Variants in RNF146 observed in about 807,000 individuals in gnomAD.
RNF146 encodes the protein ring finger protein 146.
A neutral mutation model predicts 29.7 loss-of-function variants in RNF146; 11 were observed. The ratio of observed to expected loss-of-function variants is 0.37; its 90% CI spans 0.23 to 0.61. RNF146 has a LOEUF of 0.61. Among genes scored for constraint, RNF146 ranks in the 20% least tolerant of loss-of-function variants. The probability of loss-of-function intolerance (pLI) is 0.66; values close to 1 mark genes in which losing one functional copy is unlikely to be tolerated. For missense variants in RNF146, 342 were observed against 438.9 expected (o/e 0.78, Z 1.97); for synonymous variants, 150 against 159.7 (o/e 0.94, Z 0.46).
intron 1 of RNF146, among the ~76,000 whole-genome samples, chr6:127,277,591 T>C (rs1413054451): frequency 6.6e-6 from 1 of 151,966 alleles, no homozygotes; most frequent in African/African-American, 2.4e-5. Context: ...GTCCCAAAAC[T>C]GAAGAACTTG....
chr6:127,274,822 A>C (rs1777975681), intron 1 of RNF146, among the ~76,000 whole-genome samples: 2 of 152,154 alleles, frequency 1.3e-5, no homozygotes, highest in Admixed American at 6.5e-5. Context: ...CTGTAATCCC[A>C]ACACTTTGGG....
At chr6:127,270,651 C>T (rs1777339560) in intron 1 of RNF146, among the ~76,000 whole-genome samples, 1 of 152,046 alleles carries the variant, frequency 6.6e-6, no homozygotes, top group Non-Finnish European at 1.5e-5. Context: ...GACCATTGAA[C>T]AAAGGTTTGA....
intron 1 of RNF146, among the ~76,000 whole-genome samples, chr6:127,276,397 G>A (rs1458217891): frequency 6.6e-6 from 1 of 151,942 alleles, no homozygotes; most frequent in African/African-American, 2.4e-5. Context: ...GGGCTGTGTG[G>A]TGAGAGAAAG....
chr6:127,286,687 G>C lies in RNF146; in HGVS notation c.74G>C (p.Cys25Ser), dbSNP rs756355141. Residue 25 changes from cysteine to serine, a missense_variant, in exon 3 of 3, where the codon TGT becomes TCT. Coordinates refer to ENST00000368314, the MANE Select transcript of RNF146 (RefSeq NM_001242850.2). This position sits in a 1 kb window ranked among gnomAD's most constrained non-coding sequence, Gnocchi z 4.6. Reference protein sequence around the residue: ...LPTNRKANESCSNTAPSLTVP... With the variant: ...LPTNRKANESSSNTAPSLTVP... The stretch of plus-strand genomic sequence containing the variant: ...ACAAACAGGAAAGCGAACGAGTCCT[G>C]TTCTAATACTGCACCTTCTTTAACC... 1.2e-6 allele frequency: 2 copies of C among 1,613,336 alleles called. No individual in the cohort carries two copies. The highest frequency in any genetic ancestry group is 2.2e-5 in the South Asian group (2 of 91,064).
Position 127,287,146 on chromosome 6 carries a change from T to C in RNF146, c.533T>C (p.Val178Ala). 1 of 1,612,548 alleles carries C rather than the reference T, an allele frequency of 6.2e-7. No homozygotes were observed. The highest frequency in any genetic ancestry group is 2.2e-5 in the East Asian group (1 of 44,772). Residue 178 changes from valine (V) to alanine (A), a missense_variant, in exon 3 of 3, where the codon GTA becomes GCA. Physicochemically the swap from Val to Ala is moderately conservative, Grantham distance 64. This residue lies in a region of RNF146 where 28 missense variants were observed against 40.7 expected (regional missense o/e 0.69). Transcript: ENST00000368314. ...ATAATAGATATACCAAAGAAGGGAG[T>C]AGCTGGACTTAGGCTAGACTGTGAT... ...RDIIDIPKKG[V>A]AGLRLDCDAN...
At chr6:127,285,177 T>A (rs1463514183) in intron 2 of RNF146, 1 of 984,566 alleles carries the variant, frequency 1.0e-6, no homozygotes, top group East Asian at 1.1e-4. Flanking sequence ...GCCATCTTTT[T>A]AAAAACTTAC....
At chr6:127,274,238 T>C (rs1321810113) in intron 1 of RNF146, among the ~76,000 whole-genome samples, 2 of 152,190 alleles carry the variant, frequency 1.3e-5, no homozygotes, top group East Asian at 3.9e-4. Context: ...TTTGTGGCTA[T>C]AGCTTTATTT....
At chr6:127,285,198 C>T in intron 2 of RNF146, 1 of 984,930 alleles carries the variant, frequency 1.0e-6, no homozygotes, top group Non-Finnish European at 1.2e-6. Context: ...TGTGTTGCTT[C>T]CTTTACTAGA....
intron 2 of RNF146, among the ~76,000 whole-genome samples, chr6:127,281,109 C>T (rs2114486938): frequency 6.6e-6 from 1 of 151,548 alleles, no homozygotes; most frequent in East Asian, 1.9e-4. Flanking sequence ...ACATAAAACT[C>T]TTGCTTTCTA....
intron 2 of RNF146, among the ~76,000 whole-genome samples, chr6:127,281,616 T>G (rs1778921420): frequency 6.6e-6 from 1 of 151,554 alleles, no homozygotes; most frequent in African/African-American, 2.4e-5. Flanking sequence ...ATCAACACAT[T>G]TTAGAGGAGT....
rs777877427 is a variant in RNF146 at position 127,286,971 on chromosome 6, C to T, written c.358C>T (p.Arg120Cys). 1.2e-5 allele frequency: 20 copies of T among 1,613,154 alleles called. No homozygotes were observed. Among genetic ancestry groups the T allele is most frequent in the South Asian group, 3.3e-5 (3 of 91,072 alleles). ...AAATGGGTGGTGGCAGTACGATGAG[C>T]GCACTAGTAGAGAGCTGGAAGATGC... is the stretch of plus-strand genomic sequence containing the variant. ...GRNGWWQYDE[R>C]TSRELEDAFS... The change falls in exon 3 of 3, where the codon CGC becomes TGC. Residue 120 changes from arginine (R) to cysteine (C), a missense_variant. Physicochemically the swap from Arg to Cys is radical, Grantham distance 180. Around this residue, in one of 6 missense-constraint regions of RNF146, gnomAD observed 50 missense variants for 54.9 expected, o/e 0.91. Transcript: ENST00000368314. This position sits in a 1 kb window ranked among gnomAD's most constrained non-coding sequence, Gnocchi z 4.6.
intron 1 of RNF146, among the ~76,000 whole-genome samples, chr6:127,279,870 CT>C (rs1562285480): frequency 6.6e-6 from 1 of 151,764 alleles, no homozygotes; most frequent in South Asian, 2.1e-4. Context: ...TTCTTGATTT[CT>C]TTTTTGGATT....
chr6:127,267,918 G>A (rs761937316), intron 1 of RNF146, among the ~76,000 whole-genome samples: 1 of 152,136 alleles, frequency 6.6e-6, no homozygotes, highest in Non-Finnish European at 1.5e-5. Context: ...ATTGTTTTAA[G>A]AGTGGAGACG....
At chr6:127,280,631 CATA>C in intron 2 of RNF146, 5 of 980,764 alleles carry the variant, frequency 5.1e-6, no homozygotes, top group Non-Finnish European at 6.2e-6. Flanking sequence ...CTTCTTTTTA[CATA>C]ATAATTTTCT....
chr6:127,286,873 C>T lies in RNF146; in HGVS notation c.260C>T (p.Thr87Ile), dbSNP rs1779587829. 6.2e-7 allele frequency: 1 copy of T among 1,613,096 alleles called. No individual in the cohort carries two copies. Among genetic ancestry groups the T allele is most frequent in the Non-Finnish European group, 8.5e-7 (1 of 1,179,602 alleles). Residue 87 changes from threonine (T) to isoleucine (I), a missense_variant, in exon 3 of 3, where the codon ACC becomes ATC. Physicochemically the swap from Thr to Ile is moderately conservative, Grantham distance 89. Transcript: ENST00000368314. The surrounding 1 kb of genome is among the most constrained non-coding windows in gnomAD (Gnocchi z 4.6). ...EIPEDFLDKP[T>I]LLSPEELKAA... ...CCCGAGGATTTCCTTGACAAGCCAA[C>T]CTTGTTGTCACCAGAAGAACTCAAG...
chr6:127,283,055 A>T (rs1779106567), intron 2 of RNF146, among the ~76,000 whole-genome samples: 1 of 151,760 alleles, frequency 6.6e-6, no homozygotes, highest in Non-Finnish European at 1.5e-5. Context: ...TTTCAAGGAA[A>T]TCTGAGTTCT....
upstream of RNF146, chr6:127,266,823 A>C (rs145142014): frequency 0.054 from 8,082 of 150,890 alleles, 301 homozygotes; most frequent in Non-Finnish European, 0.079. Flanking sequence ...CTCCTCCGCG[A>C]CGCGCCGGGT....
At chr6:127,284,707 A>C (rs998651836) in intron 2 of RNF146, among the ~76,000 whole-genome samples, 4 of 151,936 alleles carry the variant, frequency 2.6e-5, no homozygotes, top group Non-Finnish European at 4.4e-5. Context: ...TTTGAAGGCA[A>C]GTGTTTATCT....
At chr6:127,285,297 G>C in intron 2 of RNF146, 1 of 985,024 alleles carries the variant, frequency 1.0e-6, no homozygotes, top group Middle Eastern at 5.2e-4. Context: ...TTTGAAGATT[G>C]AATGTGCTGT....
Sources: gnomAD v4.1 joint callset for allele counts (sites outside exome capture counted in the v4.1 genomes callset) on GRCh38, gnomAD v4.1.1 for gene constraint, gnomAD v4.1.1 regional missense constraint, Gnocchi (gnomAD v3.1) non-coding constraint, MANE v1.5 for transcripts, NCBI Gene and HGNC (gene_info 2026-07-23, HGNC 2026-07-21) for gene names.